Variants in LY86 observed in about 807,000 individuals in gnomAD.
LY86 encodes the protein lymphocyte antigen 86.
A neutral mutation model predicts 17.3 loss-of-function variants in LY86; 20 were observed. The observed-to-expected ratio is 1.15, with a 90% confidence interval of 0.81 to 1.68. LY86 has a LOEUF of 1.68. Ranked by LOEUF, LY86 falls within the 40% of genes most tolerant of loss-of-function variation. The pLI is 0.00. For missense variants in LY86, 200 were observed against 191.9 expected, an observed-to-expected ratio of 1.04 and a Z score of -0.25; for synonymous variants, 74 against 70.6, an observed-to-expected ratio of 1.05 and a Z score of -0.24.
intron 1 of LY86, among the ~76,000 whole-genome samples, chr6:6,601,460 C>T (rs1042111213): frequency 9.9e-5 from 15 of 152,186 alleles, no homozygotes; most frequent in Admixed American, 1.3e-4. Flanking sequence ...CGGTGGCTCA[C>T]GCCTGTAATC....
intron 1 of LY86, among the ~76,000 whole-genome samples, chr6:6,611,569 A>C (rs1761333211): frequency 6.6e-6 from 1 of 152,216 alleles, no homozygotes; most frequent in Admixed American, 6.5e-5. Context: ...ATGGACACAA[A>C]ACCGCCTCCA....
At chr6:6,615,193 A>C (rs1761524544) in intron 1 of LY86, among the ~76,000 whole-genome samples, 1 of 152,236 alleles carries the variant, frequency 6.6e-6, no homozygotes, top group Non-Finnish European at 1.5e-5. Flanking sequence ...CCTGGGGAGC[A>C]TTTGAAAACC....
intron 1 of LY86, among the ~76,000 whole-genome samples, chr6:6,619,360 ACT>A (rs1374730834): frequency 1.3e-5 from 2 of 152,194 alleles, no homozygotes; most frequent in South Asian, 4.1e-4. Context: ...ACACTCAGAC[ACT>A]CTGTCTCCAG....
chr6:6,607,386 GAA>G (rs1447277164), intron 1 of LY86, among the ~76,000 whole-genome samples: 2 of 152,132 alleles, frequency 1.3e-5, no homozygotes, highest in East Asian at 3.8e-4. Context: ...AGGAAAAAGA[GAA>G]GTTTATTTTT....
intron 1 of LY86, among the ~76,000 whole-genome samples, chr6:6,613,629 C>T (rs9405951): frequency 0.085 from 12,967 of 152,286 alleles, 664 homozygotes; most frequent in East Asian, 0.17. Flanking sequence ...TGCGCTTCCC[C>T]CTTCATATCT....
At chr6:6,605,323 G>A (rs903453168) in intron 1 of LY86, among the ~76,000 whole-genome samples, 1 of 152,202 alleles carries the variant, frequency 6.6e-6, no homozygotes, top group Admixed American at 6.5e-5. Context: ...GGTTTAGTTG[G>A]GGGTCTCTGG....
At chr6:6,654,514 C>A (rs375849726) in intron 4 of LY86, 30 bp from the exon 5 acceptor site, 8 of 1,497,676 alleles carry the variant, frequency 5.3e-6, no homozygotes, top group Non-Finnish European at 4.7e-6. Flanking sequence ...GTGGGTCACA[C>A]GTCTAATACT....
chr6:6,589,091 A>C (rs1760446637), intron 1 of LY86, among the ~76,000 whole-genome samples: 1 of 152,224 alleles, frequency 6.6e-6, no homozygotes, highest in Admixed American at 6.5e-5. Context: ...AACAACAAAG[A>C]GTACAAGAAA....
chr6:6,645,415 C>G (rs753103959), intron 3 of LY86, among the ~76,000 whole-genome samples: 2 of 152,044 alleles, frequency 1.3e-5, no homozygotes, highest in African/African-American at 4.8e-5. Context: ...GGAGGCATTG[C>G]TATTTCGATT....
In LY86 at chr6:6,600,210, C is replaced by CT. The variant is rs557359986; in HGVS notation, c.136+11341dup. 6.8e-4 allele frequency among the ~76,000 whole-genome samples: 103 copies of CT among 151,098 alleles called. 1 individual carries two copies. Among genetic ancestry groups the CT allele is most frequent in the African/African-American group, 2.4e-3 (101 of 41,488 alleles). On this transcript the variant is annotated intron_variant, in intron 1 of 4. Transcript: ENST00000230568. The stretch of plus-strand genomic sequence containing the variant: ...AGCAAGAGCTTGTTTAGGGTAAGGG[C>CT]TGCCTTCCTCTGTGATAGGAGCCTC...
At chr6:6,644,117 T>C (rs374457176) in intron 3 of LY86, among the ~76,000 whole-genome samples, 8 of 152,220 alleles carry the variant, frequency 5.3e-5, no homozygotes, top group African/African-American at 1.9e-4. Flanking sequence ...CGGCAGGAAT[T>C]CCAGCAAGAT....
At chr6:6,653,711 G>T (rs1281350415) in intron 4 of LY86, among the ~76,000 whole-genome samples, 1 of 152,212 alleles carries the variant, frequency 6.6e-6, no homozygotes, top group Non-Finnish European at 1.5e-5. Context: ...TTCTCTGTCT[G>T]AGCATACAAA....
At chr6:6,594,832 A>G (rs1302748059) in intron 1 of LY86, among the ~76,000 whole-genome samples, 1 of 152,226 alleles carries the variant, frequency 6.6e-6, no homozygotes, top group Non-Finnish European at 1.5e-5. Flanking sequence ...GTTTATCTCC[A>G]TTTTCTGGAT....
chr6:6,600,575 G>A (rs1760869740), intron 1 of LY86, among the ~76,000 whole-genome samples: 1 of 108,740 alleles, frequency 9.2e-6, no homozygotes, highest in South Asian at 3.4e-4. Flanking sequence ...GAGAGACAGA[G>A]TGAGACTCCA....
chr6:6,650,339 G>GC (rs138255515), intron 4 of LY86, among the ~76,000 whole-genome samples: 2 of 148,036 alleles, frequency 1.4e-5, no homozygotes, highest in African/African-American at 5.0e-5. Context: ...CTCAGATAAT[G>GC]GTTTTTTTTT....
At chr6:6,649,487 ATG>A in intron 3 of LY86, 136 bp from the exon 4 acceptor site, 2 of 430,392 alleles carry the variant, frequency 4.6e-6, no homozygotes, top group Non-Finnish European at 8.1e-6. Context: ...AGATCAGGAA[ATG>A]AAAACATTTC....
chr6:6,650,497 G>C, intron 4 of LY86, among the ~76,000 whole-genome samples: 1 of 152,036 alleles, frequency 6.6e-6, no homozygotes, highest in East Asian at 1.9e-4. Flanking sequence ...ACCACGCCCA[G>C]CTAATTTTTG....
chr6:6,613,222 A>C (rs1445093802), intron 1 of LY86, among the ~76,000 whole-genome samples: 1 of 144,978 alleles, frequency 6.9e-6, no homozygotes, highest in Non-Finnish European at 1.5e-5. Context: ...CACCCAGTGG[A>C]TCCGGCACTA....
At chr6:6,651,950 G>A (rs1750068184) in intron 4 of LY86, among the ~76,000 whole-genome samples, 1 of 151,300 alleles carries the variant, frequency 6.6e-6, no homozygotes, top group Admixed American at 6.6e-5. Flanking sequence ...CAGCCACTCG[G>A]GAGGCTGAGG....
Sources: allele counts gnomAD v4.1 joint callset (sites outside exome capture counted in the v4.1 genomes callset), GRCh38; gene constraint gnomAD v4.1.1; transcripts MANE v1.5; gene names NCBI Gene and HGNC (gene_info 2026-07-23, HGNC 2026-07-21).